FMN1: variants seen among roughly 807,000 people sequenced by gnomAD.
The protein encoded by FMN1 is formin 1, also known as formin-1.
A neutral mutation model predicts 132.4 loss-of-function variants in FMN1; 110 were observed. The observed-to-expected ratio is 0.83, with a 90% CI of 0.71 to 0.97. The LOEUF is 0.97. Among genes scored for constraint, FMN1 ranks in the 50% least tolerant of loss-of-function variants. The pLI is 0.00. For synonymous variants in FMN1, 722 were observed against 651.7 expected, an observed-to-expected ratio of 1.11 and a Z score of -1.64; for missense variants, 1,792 against 1,705.3, an observed-to-expected ratio of 1.05 and a Z score of -0.90.
chr15:32,937,900 G>T (rs1323259315), intron 9 of FMN1, among the ~76,000 whole-genome samples: 1 of 152,170 alleles, frequency 6.6e-6, no homozygotes, highest in Non-Finnish European at 1.5e-5. Flanking sequence ...AACAAATGGA[G>T]GACAATAACA....
intron 6 of FMN1, among the ~76,000 whole-genome samples, chr15:33,032,450 G>C (rs992737528): frequency 6.6e-6 from 1 of 152,108 alleles, no homozygotes; most frequent in Admixed American, 6.5e-5. Flanking sequence ...AAAGTTAAGT[G>C]AATTATTTTC....
chr15:33,092,387 G>C (rs73378555), intron 4 of FMN1, among the ~76,000 whole-genome samples: 2 of 152,122 alleles, frequency 1.3e-5, no homozygotes, highest in Admixed American at 1.3e-4. Flanking sequence ...CTCCCTCCCT[G>C]CAATATGATC....
chr15:33,067,491 C>T (rs759523997), intron 5 of FMN1: 1 of 1,614,010 alleles, frequency 6.2e-7, no homozygotes, highest in South Asian at 1.1e-5. Context: ...ATGACATCGT[C>T]TTTTGTCCCT....
chr15:32,946,872 T>C (rs2061522400), intron 9 of FMN1, among the ~76,000 whole-genome samples: 1 of 152,210 alleles, frequency 6.6e-6, no homozygotes, highest in South Asian at 2.1e-4. Flanking sequence ...TGATCTGTAA[T>C]TCCATCTACT....
At chr15:32,867,530 G>T (rs1462917677) in intron 16 of FMN1, among the ~76,000 whole-genome samples, 1 of 151,396 alleles carries the variant, frequency 6.6e-6, no homozygotes, top group Non-Finnish European at 1.5e-5. Flanking sequence ...TTGAGACGGA[G>T]TCTCGCTCTT....
rs185492655 is a variant in FMN1 at position 33,095,877 on chromosome 15, T to G, written c.1868-6903A>C. On this transcript the variant is annotated intron_variant, in intron 4 of 20. Coordinates refer to ENST00000616417, the MANE Select transcript of FMN1 (RefSeq NM_001277313.2). ...CTAAGGAAGTAAAGTAGAGAAAAAA[T>G]TACAAAATACTAAGCCCTGGATTAT... is the stretch of plus-strand genomic sequence containing the variant. Among the ~76,000 whole-genome samples the G allele has an allele frequency of 1.1e-4, 17 of 151,892 alleles. No homozygotes were observed. In the East Asian group the frequency reaches 2.9e-3, roughly 26 times the overall value.
chr15:32,964,286 T>C lies in FMN1; in HGVS notation c.2988-29A>G, dbSNP rs147055885. On this transcript the variant is annotated intron_variant, in intron 8 of 20. Coordinates refer to ENST00000616417, the MANE Select transcript of FMN1 (RefSeq NM_001277313.2). ...AAAAGAGAAAATGACAAGTTAACCA[T>C]AAGAACCAAAACAGGAAGGAATGTA... The C allele has an allele frequency of 2.5e-4, 384 of 1,513,548 alleles. No individual in the cohort carries two copies. In the African/African-American group the frequency reaches 4.8e-3, roughly 19 times the overall value. 93.8% of individuals were successfully genotyped at this position (1,513,548 alleles called of 1,614,324 possible). A position where few individuals can be genotyped will look rare whatever the true frequency, so the allele number is the denominator to read the frequency against.
At chr15:33,178,998 C>T (rs538261863) in intron 3 of FMN1, among the ~76,000 whole-genome samples, 31 of 152,258 alleles carry the variant, frequency 2.0e-4, no homozygotes, top group African/African-American at 6.5e-4. Flanking sequence ...ATCCAACCTG[C>T]GTCTCTGCCT....
intron 5 of FMN1, chr15:33,066,361 C>T (rs1221843097): frequency 1.2e-5 from 8 of 683,496 alleles, no homozygotes; most frequent in Non-Finnish European, 1.6e-5. Flanking sequence ...TAACTCCATA[C>T]TCCTTACAGG....
At chr15:32,907,381 G>A (rs572342827) in intron 12 of FMN1, among the ~76,000 whole-genome samples, 3 of 152,102 alleles carry the variant, frequency 2.0e-5, no homozygotes, top group South Asian at 4.2e-4. Context: ...GCTCACATGC[G>A]CAGTTCACAA....
At chr15:33,041,484 A>AG (rs1316103845) in intron 6 of FMN1, among the ~76,000 whole-genome samples, 2 of 151,306 alleles carry the variant, frequency 1.3e-5, no homozygotes, top group African/African-American at 2.4e-5. Context: ...AAAAAAAAAA[A>AG]AGACTGGAAA....
intron 7 of FMN1, among the ~76,000 whole-genome samples, 158 bp downstream of exon 7, chr15:33,007,856 C>G (rs1221774827): frequency 6.6e-6 from 1 of 152,148 alleles, no homozygotes; most frequent in African/African-American, 2.4e-5. Flanking sequence ...GAATCCAAGA[C>G]TTTTCATTCC....
Position 32,778,180 on chromosome 15 carries a change from AT to A in FMN1, c.4131-1262del, listed in dbSNP as rs201132554. Reference sequence around the variant, plus strand: ...TTATTATATATTATATAATACATTTATTTATATATTATATAATACATTTATT... The same window carrying A: ...TTATTATATATTATATAATACATTTATTATATATTATATAATACATTTATT... On this transcript the variant is annotated intron_variant, in intron 19 of 20. Transcript: ENST00000616417. Among the ~76,000 whole-genome samples, 1,191 of 84,630 alleles carry A rather than the reference AT, an allele frequency of 0.014. 186 individuals carry two copies. In the East Asian group the frequency reaches 0.15, roughly 11 times the overall value. The allele number at this position is 84,630 out of a possible 152,430, so 55.5% of individuals were successfully genotyped here.
At chr15:32,968,671 C>A in intron 8 of FMN1, 43 bp downstream of exon 8, 1 of 1,608,948 alleles carries the variant, frequency 6.2e-7, no homozygotes, top group Non-Finnish European at 8.5e-7. Context: ...TGGGCCAAAT[C>A]CTAGGAATTC....
At chr15:33,011,342 A>G (rs551127201) in intron 6 of FMN1, among the ~76,000 whole-genome samples, 12 of 152,194 alleles carry the variant, frequency 7.9e-5, no homozygotes, top group Admixed American at 4.6e-4. Context: ...ATTGGCTGGG[A>G]AAAAAATATT....
chr15:32,847,426 G>A (rs2058883872), intron 17 of FMN1, among the ~76,000 whole-genome samples: 1 of 152,174 alleles, frequency 6.6e-6, no homozygotes, highest in Non-Finnish European at 1.5e-5. Flanking sequence ...GTAGTTCTGA[G>A]ACAGTGTTTA....
At chr15:32,918,580 C>T (rs2060741498) in intron 10 of FMN1, among the ~76,000 whole-genome samples, 1 of 152,146 alleles carries the variant, frequency 6.6e-6, no homozygotes, top group Non-Finnish European at 1.5e-5. Context: ...TCAAGTTGCC[C>T]AAGGTCTCCT....
At chr15:32,810,429 C>T (rs1378220175) in intron 17 of FMN1, among the ~76,000 whole-genome samples, 1 of 152,188 alleles carries the variant, frequency 6.6e-6, no homozygotes, top group African/African-American at 2.4e-5. Context: ...GATACATTAA[C>T]ACAGGCACAA....
intron 4 of FMN1, among the ~76,000 whole-genome samples, chr15:33,124,546 C>A (rs1363878332): frequency 1.6e-4 from 5 of 32,040 alleles, no homozygotes; most frequent in African/African-American, 5.9e-4. Flanking sequence ...AATGTGTAGC[C>A]AGGGTTGAGT....
Sources: gnomAD v4.1 joint callset for allele counts (sites outside exome capture counted in the v4.1 genomes callset) on GRCh38, gnomAD v4.1.1 for gene constraint, MANE v1.5 for transcripts, NCBI Gene and HGNC (gene_info 2026-07-23, HGNC 2026-07-21) for gene names.